The following PIK3C3 variants were observed in gnomAD, a reference collection of about 807,000 sequenced individuals.
The protein encoded by PIK3C3 is PI3-kinase type 3.
PIK3C3 carries 95 observed loss-of-function variants against 126.1 expected under a neutral mutation model. The ratio of observed to expected loss-of-function variants is 0.75; its 90% CI spans 0.64 to 0.89. The LOEUF (loss-of-function observed/expected upper bound fraction) is 0.89. Ranked by LOEUF, PIK3C3 falls within the 40% of genes least tolerant of loss-of-function variation. The pLI is 0.00. For missense variants in PIK3C3, 829 were observed against 1,063.2 expected (o/e 0.78, Z 3.06); for synonymous variants, 374 against 360.0 (o/e 1.04, Z -0.44).
chr18:41,996,848 C>T, intron 9 of PIK3C3, 118 bp downstream of exon 9: 1 of 607,524 alleles, frequency 1.6e-6, no homozygotes, highest in Non-Finnish European at 2.9e-6. Context: ...AGTTACAGAG[C>T]AGTATATATG....
rs191681008 is a variant in PIK3C3, at chr18:42,039,201, G to A, written c.2038+351G>A. On this transcript the variant is annotated intron_variant, in intron 18 of 24. Transcript: ENST00000262039. ...GGGAGTTTGGTAGAAGATTCCCTAG[G>A]AATGCTTGCCTAATGCTTACTGTAA... 4.3e-4 allele frequency among the ~76,000 whole-genome samples: 65 copies of A among 152,200 alleles called. No individual in the cohort carries two copies. The East Asian group carries it at 0.01, about 24-fold the overall frequency.
chr18:42,030,459 T>C (rs1001385262), intron 15 of PIK3C3, among the ~76,000 whole-genome samples: 7 of 152,206 alleles, frequency 4.6e-5, no homozygotes, highest in Non-Finnish European at 1.0e-4. Flanking sequence ...CAACACATTT[T>C]AGTGTTCCTT....
chr18:42,034,993 T>C (rs1047298702), intron 16 of PIK3C3, among the ~76,000 whole-genome samples: 3 of 152,236 alleles, frequency 2.0e-5, no homozygotes, highest in South Asian at 2.1e-4. Context: ...CTGGGTGTTA[T>C]GGATGGATAG....
intron 24 of PIK3C3, among the ~76,000 whole-genome samples, chr18:42,077,395 G>A (rs1230196121): frequency 6.6e-6 from 1 of 152,210 alleles, no homozygotes; most frequent in Non-Finnish European, 1.5e-5. Flanking sequence ...ACTTTTTGCA[G>A]AATTGGAGTC....
Position 41,993,305 on chromosome 18 carries a change from T to G in PIK3C3, c.750T>G (p.Phe250Leu). ...GDESSPILTS[F>L]ELVKVPDPQM... ...AATCATCTCCAATTTTAACAAGTTTTGAATTAGTGAAAGTTCCTGACCCCC... is the reference window on the plus strand; with the variant it reads ...AATCATCTCCAATTTTAACAAGTTTGGAATTAGTGAAAGTTCCTGACCCCC... Residue 250 changes from phenylalanine (F) to leucine (L), a missense_variant, in exon 7 of 25, where the codon TTT becomes TTG. This residue lies in a region of PIK3C3 where 313 missense variants were observed against 340.7 expected (regional missense o/e 0.92). Coordinates refer to ENST00000262039, the MANE Select transcript of PIK3C3 (RefSeq NM_002647.4). 1 of 1,610,076 alleles carries G rather than the reference T, an allele frequency of 6.2e-7. No homozygotes were observed. Among genetic ancestry groups the G allele is most frequent in the Non-Finnish European group, 8.5e-7 (1 of 1,177,136 alleles).
chr18:42,076,131 T>TATATATATATATGAAC, intron 24 of PIK3C3, among the ~76,000 whole-genome samples: 1 of 83,446 alleles, frequency 1.2e-5, no homozygotes, highest in Admixed American at 1.2e-4. Flanking sequence ...TGCGCATATA[T>TATATATATATATGAAC]ATATATATAT....
intron 13 of PIK3C3, among the ~76,000 whole-genome samples, chr18:42,024,290 T>A (rs1384756014): frequency 6.6e-6 from 1 of 152,186 alleles, no homozygotes; most frequent in Non-Finnish European, 1.5e-5. Context: ...GAATCTAGTT[T>A]ATTGATGTGA....
chr18:41,994,043 A>G (rs895846170), intron 7 of PIK3C3, among the ~76,000 whole-genome samples: 8 of 152,222 alleles, frequency 5.3e-5, no homozygotes, highest in Admixed American at 1.3e-4. Flanking sequence ...AATTTTATAC[A>G]TTTCTAATTA....
chr18:41,975,574 T>C (rs1047851265), intron 4 of PIK3C3, among the ~76,000 whole-genome samples: 2 of 152,228 alleles, frequency 1.3e-5, no homozygotes, highest in Non-Finnish European at 2.9e-5. Context: ...TAGGACACCG[T>C]ATTTCAAGAT....
intron 22 of PIK3C3, among the ~76,000 whole-genome samples, chr18:42,060,914 C>T (rs920491552): frequency 2.6e-5 from 4 of 152,196 alleles, no homozygotes; most frequent in African/African-American, 9.7e-5. Flanking sequence ...TGCTTCCCCT[C>T]TTTGAAGTAG....
chr18:42,081,104 T>G lies in PIK3C3; in HGVS notation c.2650-19T>G. The G allele has an allele frequency of 7.1e-7, 1 of 1,418,308 alleles. No individual in the cohort carries two copies. Among genetic ancestry groups the G allele is most frequent in the Non-Finnish European group, 9.9e-7 (1 of 1,011,416 alleles). 87.9% of individuals were successfully genotyped at this position (1,418,308 alleles called of 1,614,324 possible). A position where few individuals can be genotyped will look rare whatever the true frequency, so the allele number is the denominator to read the frequency against. On this transcript the variant is annotated intron_variant, in intron 24 of 24. Coordinates refer to ENST00000262039, the MANE Select transcript of PIK3C3 (RefSeq NM_002647.4). ...ATTAAGTAAATTATTTTCTGTTTATTTCTTTTTAATTTTTGTAGTACTGGA... is the reference window on the plus strand; with the variant it reads ...ATTAAGTAAATTATTTTCTGTTTATGTCTTTTTAATTTTTGTAGTACTGGA...
chr18:42,024,007 A>G (rs1425118011), intron 13 of PIK3C3, among the ~76,000 whole-genome samples: 1 of 152,224 alleles, frequency 6.6e-6, no homozygotes, highest in Non-Finnish European at 1.5e-5. Flanking sequence ...CAGTTTGTAA[A>G]ATGATGGGCA....
At chr18:41,995,320 AC>A (rs1314353048) in intron 7 of PIK3C3, among the ~76,000 whole-genome samples, 1 of 152,156 alleles carries the variant, frequency 6.6e-6, no homozygotes, top group Non-Finnish European at 1.5e-5. Context: ...TATGACATAG[AC>A]AATTCACACA....
chr18:41,996,998 G>T (rs1230951543), intron 9 of PIK3C3, among the ~76,000 whole-genome samples: 1 of 152,076 alleles, frequency 6.6e-6, no homozygotes, highest in Non-Finnish European at 1.5e-5. Flanking sequence ...TTTTACGTTT[G>T]TTTGGTAGGA....
Position 42,033,867 on chromosome 18 carries a change from G to T in PIK3C3, c.1749G>T (p.Met583Ile). ...CATTGCTTGGAGATAATGAAAAGAT[G>T]AATTTGTCAGATGTGGAACTTATCC... is the stretch of plus-strand genomic sequence containing the variant. ...LQALLGDNEK[M>I]NLSDVELIPL... Residue 583 changes from methionine (M) to isoleucine (I), a missense_variant, in exon 16 of 25, where the codon ATG becomes ATT. Around this residue, in one of 4 missense-constraint regions of PIK3C3, gnomAD observed 256 missense variants for 291.0 expected, o/e 0.88. Coordinates refer to ENST00000262039, the MANE Select transcript of PIK3C3 (RefSeq NM_002647.4). 6.2e-7 allele frequency: 1 copy of T among 1,604,476 alleles called. No homozygotes were observed.
chr18:42,019,448 G>A (rs1598901554), intron 12 of PIK3C3, among the ~76,000 whole-genome samples: 1 of 152,100 alleles, frequency 6.6e-6, no homozygotes, highest in South Asian at 2.1e-4. Context: ...ACTTTTGGTT[G>A]CACATTCTTT....
chr18:42,037,778 T>G lies in PIK3C3; in HGVS notation c.1926T>G (p.Arg642=). The G allele has an allele frequency of 6.2e-7, 1 of 1,612,450 alleles. No homozygotes were observed. Among genetic ancestry groups the G allele is most frequent in the Non-Finnish European group, 8.5e-7 (1 of 1,178,768 alleles). Residue 642 remains arginine (R), a synonymous_variant, in exon 17 of 25, where the codon CGT becomes CGG. Coordinates refer to ENST00000262039, the MANE Select transcript of PIK3C3 (RefSeq NM_002647.4). ...PVIFKHGDDL[R]QDQLILQIIS... Reference sequence around the variant, plus strand: ...TATTTAAGCATGGAGATGATTTACGTCAAGATCAACTTATTCTTCAAATCA... The same window carrying G: ...TATTTAAGCATGGAGATGATTTACGGCAAGATCAACTTATTCTTCAAATCA...
intron 24 of PIK3C3, among the ~76,000 whole-genome samples, chr18:42,068,229 C>G (rs568404814): frequency 6.6e-6 from 1 of 152,282 alleles, no homozygotes; most frequent in African/African-American, 2.4e-5. Flanking sequence ...CTTTTTAACC[C>G]AGTTTTTTTA....
intron 4 of PIK3C3, among the ~76,000 whole-genome samples, chr18:41,978,938 C>G (rs567768884): frequency 6.6e-6 from 1 of 151,724 alleles, no homozygotes; most frequent in African/African-American, 2.4e-5. Flanking sequence ...AGAAGAGTTA[C>G]TAGCTAGGCA....
Sources: gnomAD v4.1 joint callset for allele counts (sites outside exome capture counted in the v4.1 genomes callset) on GRCh38, gnomAD v4.1.1 for gene constraint, gnomAD v4.1.1 regional missense constraint, MANE v1.5 for transcripts, NCBI Gene and HGNC (gene_info 2026-07-23, HGNC 2026-07-21) for gene names.